DCLK1: variants seen among roughly 807,000 people sequenced by gnomAD.
DCLK1 encodes serine/threonine-protein kinase DCLK1.
Under a neutral mutation model 86.2 loss-of-function variants are expected in DCLK1, and 16 were observed. The ratio of observed to expected loss-of-function variants is 0.19; its 90% CI spans 0.13 to 0.28. The LOEUF (loss-of-function observed/expected upper bound fraction) is 0.28. DCLK1 is among the 10% of genes least tolerant of loss of function. The pLI is 1.00. For missense variants in DCLK1, 590 were observed against 940.2 expected, an observed-to-expected ratio of 0.63 and a Z score of 4.87; for synonymous variants, 369 against 370.5, an observed-to-expected ratio of 1.00 and a Z score of 0.05.
chr13:36,105,467 T>A (rs1885358078), intron 3 of DCLK1, among the ~76,000 whole-genome samples: 1 of 152,160 alleles, frequency 6.6e-6, no homozygotes, highest in African/African-American at 2.4e-5. Context: ...ATTATTATTA[T>A]TCACAATATA....
At chr13:35,859,092 T>G (rs188102879) in intron 5 of DCLK1, among the ~76,000 whole-genome samples, 4 of 152,364 alleles carry the variant, frequency 2.6e-5, no homozygotes, top group Admixed American at 2.6e-4. Flanking sequence ...TGTGACTTAT[T>G]TAATAGAACT....
At chr13:35,795,047 G>A (rs1041903732) in intron 15 of DCLK1, among the ~76,000 whole-genome samples, 5 of 152,178 alleles carry the variant, frequency 3.3e-5, no homozygotes. Flanking sequence ...AGATTAAAAG[G>A]AGCTGTTACA....
intron 4 of DCLK1, among the ~76,000 whole-genome samples, chr13:35,932,085 A>G (rs1876470592): frequency 6.6e-6 from 1 of 152,186 alleles, no homozygotes; most frequent in African/African-American, 2.4e-5. Flanking sequence ...TAGCATTAGA[A>G]TCAGTGGACT....
At chr13:36,099,353 A>C (rs1396444666) in intron 3 of DCLK1, among the ~76,000 whole-genome samples, 1 of 152,272 alleles carries the variant, frequency 6.6e-6, no homozygotes, top group Non-Finnish European at 1.5e-5. Flanking sequence ...GTACGAAGGC[A>C]ATGTTACAGT....
intron 4 of DCLK1, among the ~76,000 whole-genome samples, chr13:35,945,178 G>A (rs1877304462): frequency 6.6e-6 from 1 of 152,184 alleles, no homozygotes; most frequent in Non-Finnish European, 1.5e-5. Flanking sequence ...GGGTTTACAG[G>A]CGTGAGCCAC....
chr13:36,007,417 G>C (rs762541517), intron 3 of DCLK1, among the ~76,000 whole-genome samples: 7 of 152,178 alleles, frequency 4.6e-5, no homozygotes, highest in Non-Finnish European at 8.8e-5. Context: ...ATACAGTCTT[G>C]AATTTGCAAA....
intron 10 of DCLK1, among the ~76,000 whole-genome samples, chr13:35,825,944 C>T (rs1027537037): frequency 7.9e-5 from 12 of 151,886 alleles, no homozygotes; most frequent in African/African-American, 2.7e-4. Context: ...TCCCAAGTAG[C>T]TGGGATTACA....
chr13:35,974,254 G>T (rs1171179563), intron 3 of DCLK1, among the ~76,000 whole-genome samples: 1 of 152,180 alleles, frequency 6.6e-6, no homozygotes, highest in African/African-American at 2.4e-5. Context: ...TGCATTTGAA[G>T]AGAGGACCTT....
chr13:36,078,423 G>A (rs1194061550), intron 3 of DCLK1, among the ~76,000 whole-genome samples: 3 of 152,188 alleles, frequency 2.0e-5, no homozygotes, highest in African/African-American at 7.2e-5. Flanking sequence ...TGCTACTGAA[G>A]CCCCTCCAAG....
chr13:36,090,810 G>A (rs1188508933), intron 3 of DCLK1, among the ~76,000 whole-genome samples: 1 of 152,142 alleles, frequency 6.6e-6, no homozygotes, highest in Non-Finnish European at 1.5e-5. Context: ...AGCACAATGA[G>A]GATCTCATGA....
intron 3 of DCLK1, among the ~76,000 whole-genome samples, chr13:35,948,062 AC>A (rs1877480090): frequency 6.6e-6 from 1 of 152,204 alleles, no homozygotes; most frequent in Non-Finnish European, 1.5e-5. Context: ...CTCCCAGGCC[AC>A]CCAACTTCTT....
chr13:35,822,829 T>A lies in DCLK1; in HGVS notation c.1454A>T (p.Glu485Val). ...GTACAGCATCCCACTGGCGTCTCTC[T>A]CGGTGTATTTGTTAGTGGAAGTAAT... ...DAITSTNKYT[E>V]RDASGMLYNL... is the part of the protein sequence containing the mutation. The change falls in exon 11 of 17, where the codon GAG becomes GTG. Residue 485 changes from glutamate to valine, a missense_variant. By Grantham distance (121) the Glu-to-Val change is moderately radical. Transcript: ENST00000360631. 1.2e-6 allele frequency: 2 copies of A among 1,613,882 alleles called. No homozygotes were observed. The highest frequency in any genetic ancestry group is 1.7e-5 in the Admixed American group (1 of 59,992).
At chr13:35,853,764 G>A (rs967808164) in intron 6 of DCLK1, among the ~76,000 whole-genome samples, 1 of 152,064 alleles carries the variant, frequency 6.6e-6, no homozygotes, top group South Asian at 2.1e-4. Context: ...GACCATAAAG[G>A]GCCTTCCGTT....
At chr13:35,878,872 G>A (rs1872728669) in intron 4 of DCLK1, among the ~76,000 whole-genome samples, 1 of 151,632 alleles carries the variant, frequency 6.6e-6, no homozygotes, top group Non-Finnish European at 1.5e-5. Flanking sequence ...TGCAACCTCT[G>A]CCTCCCAGGT....
intron 4 of DCLK1, among the ~76,000 whole-genome samples, chr13:35,891,654 A>G (rs530113857): frequency 6.6e-6 from 1 of 152,354 alleles, no homozygotes; most frequent in African/African-American, 2.4e-5. Flanking sequence ...GCTATAAAAA[A>G]TAAATTGTGG....
chr13:35,980,043 C>T (rs1879555607), intron 3 of DCLK1, among the ~76,000 whole-genome samples: 1 of 152,162 alleles, frequency 6.6e-6, no homozygotes, highest in African/African-American at 2.4e-5. Flanking sequence ...TGCCTTAAAC[C>T]ATTTTTGAGT....
intron 6 of DCLK1, chr13:35,845,998 A>G (rs1870147005): frequency 1.0e-6 from 1 of 985,288 alleles, no homozygotes; most frequent in Admixed American, 6.1e-5. Context: ...AACACAAGGT[A>G]CAACATTTTA....
intron 3 of DCLK1, among the ~76,000 whole-genome samples, chr13:35,958,126 C>CTGTAACCATCACCACCAT (rs1878163811): frequency 2.3e-4 from 1 of 4,358 alleles, no homozygotes; most frequent in East Asian, 6.3e-3. Flanking sequence ...ACCACCACTA[C>CTGTAACCATCACCACCAT]CACTACTATA....
chr13:35,788,344 T>C, intron 16 of DCLK1: 1 of 1,487,752 alleles, frequency 6.7e-7, no homozygotes, highest in Non-Finnish European at 9.4e-7. Flanking sequence ...GAATTAAGAC[T>C]CCAGACCAAG....
Sources: gnomAD v4.1 joint callset for allele counts (sites outside exome capture counted in the v4.1 genomes callset) on GRCh38, gnomAD v4.1.1 for gene constraint, MANE v1.5 for transcripts, NCBI Gene and HGNC (gene_info 2026-07-23, HGNC 2026-07-21) for gene names.